PIGK: variants seen among roughly 807,000 people sequenced by gnomAD.
The protein encoded by PIGK is phosphatidylinositol glycan anchor biosynthesis class K, also known as GPI-anchor transamidase.
A neutral mutation model predicts 50.6 loss-of-function variants in PIGK; 42 were observed. The observed-to-expected ratio is 0.83, with a 90% CI of 0.65 to 1.07. The LOEUF (loss-of-function observed/expected upper bound fraction) is 1.07. Among genes scored for constraint, PIGK ranks in the 50% least tolerant of loss-of-function variants. PIGK has a pLI of 0.00. For missense variants in PIGK, 448 were observed against 488.7 expected (o/e 0.92, Z 0.78); for synonymous variants, 151 against 156.0 (o/e 0.97, Z 0.24).
In PIGK at chr1:77,092,299, T is replaced by C; in HGVS notation, c.*75A>G. The C allele has an allele frequency of 3.0e-6, 2 of 662,402 alleles. No homozygotes were observed. The highest frequency in any genetic ancestry group is 5.2e-6 in the Non-Finnish European group (2 of 385,374). The allele number at this position is 662,402 out of a possible 1,614,324, so 41.0% of individuals were successfully genotyped here. On this transcript the variant is annotated 3_prime_UTR_variant, in exon 11 of 11. Transcript: ENST00000370812. Reference sequence around the variant, plus strand: ...TCCAATTCATACAAGAGAAACACATTTTTAAAAATATATAATGACATAAAT... The same window carrying C: ...TCCAATTCATACAAGAGAAACACATCTTTAAAAATATATAATGACATAAAT...
chr1:77,216,815 G>A (rs1279668392), intron 1 of PIGK, among the ~76,000 whole-genome samples: 1 of 152,158 alleles, frequency 6.6e-6, no homozygotes, highest in African/African-American at 2.4e-5. Context: ...CTTTAGACTT[G>A]ACTATCCTCA....
chr1:77,146,391 A>G (rs1427288451), intron 9 of PIGK, among the ~76,000 whole-genome samples: 1 of 152,176 alleles, frequency 6.6e-6, no homozygotes, highest in Non-Finnish European at 1.5e-5. Context: ...GCTTGGCACC[A>G]CAGCTCATGC....
intron 10 of PIGK, among the ~76,000 whole-genome samples, chr1:77,102,959 C>T (rs1489901385): frequency 1.3e-5 from 2 of 152,102 alleles, no homozygotes; most frequent in Non-Finnish European, 2.9e-5. Context: ...TAGGATTCAA[C>T]ACTGAGGGTG....
At chr1:77,101,158 TA>T (rs531202365) in intron 10 of PIGK, among the ~76,000 whole-genome samples, 3 of 151,938 alleles carry the variant, frequency 2.0e-5, no homozygotes, top group East Asian at 1.9e-4. Context: ...CATCTGATAC[TA>T]AAAAAAATGC....
chr1:77,216,827 G>A, intron 1 of PIGK, among the ~76,000 whole-genome samples: 1 of 152,278 alleles, frequency 6.6e-6, no homozygotes, highest in Middle Eastern at 3.4e-3. Context: ...CTATCCTCAT[G>A]TCTCTAATGT....
At chr1:77,120,249 C>CT (rs945943218) in intron 10 of PIGK, among the ~76,000 whole-genome samples, 7 of 152,178 alleles carry the variant, frequency 4.6e-5, no homozygotes, top group African/African-American at 1.7e-4. Context: ...GGGTCTCACT[C>CT]TGTCACCCAG....
chr1:77,176,014 T>A (rs1014184441), intron 3 of PIGK, among the ~76,000 whole-genome samples: 6 of 152,056 alleles, frequency 3.9e-5, no homozygotes, highest in African/African-American at 1.2e-4. Context: ...AATAAAAAAA[T>A]TTTGTTTGCC....
intron 10 of PIGK, among the ~76,000 whole-genome samples, chr1:77,093,007 G>A (rs1653333476): frequency 6.6e-6 from 1 of 152,020 alleles, no homozygotes; most frequent in Non-Finnish European, 1.5e-5. Flanking sequence ...ACTTGTTTAA[G>A]TGCCAGTGCC....
At chr1:77,215,080 T>C (rs530362740) in intron 1 of PIGK, among the ~76,000 whole-genome samples, 7 of 152,262 alleles carry the variant, frequency 4.6e-5, no homozygotes, top group South Asian at 2.1e-4. Context: ...TCACCTAAAG[T>C]GATCTACAGT....
At chr1:77,195,580 A>C (rs1656015364) in intron 3 of PIGK, among the ~76,000 whole-genome samples, 1 of 152,172 alleles carries the variant, frequency 6.6e-6, no homozygotes, top group Non-Finnish European at 1.5e-5. Context: ...AACATTAACA[A>C]CTGGTGGAAC....
chr1:77,134,028 C>CA (rs1654444161), intron 9 of PIGK, among the ~76,000 whole-genome samples: 1 of 152,152 alleles, frequency 6.6e-6, no homozygotes, highest in Non-Finnish European at 1.5e-5. Context: ...TGCAACTAAT[C>CA]ACCTCAATCA....
intron 9 of PIGK, among the ~76,000 whole-genome samples, chr1:77,143,030 T>C (rs748279392): frequency 7.9e-5 from 12 of 152,314 alleles, no homozygotes; most frequent in Admixed American, 2.6e-4. Context: ...CCAACAAAAA[T>C]TGACATTTCT....
At chr1:77,197,350 A>T (rs1240055642) in intron 3 of PIGK, among the ~76,000 whole-genome samples, 1 of 152,230 alleles carries the variant, frequency 6.6e-6, no homozygotes, top group Non-Finnish European at 1.5e-5. Context: ...GCCTGATGAT[A>T]CAGGAAGAAG....
At position 77,089,429 on chromosome 1, in the gene PIGK, A is replaced by G. The variant is rs1291908265; in HGVS notation, c.*2945T>C. 6.6e-6 allele frequency: 1 copy of G among 152,322 alleles called. No individual in the cohort carries two copies. The highest frequency in any genetic ancestry group is 2.4e-5 in the African/African-American group (1 of 41,460). The allele number at this position is 152,322 out of a possible 1,614,324, so 9.4% of individuals were successfully genotyped here. On this transcript the variant is annotated 3_prime_UTR_variant, in exon 11 of 11. Coordinates refer to ENST00000370812, the MANE Select transcript of PIGK (RefSeq NM_005482.3). ...ACAGTATCTACTAAAGATGGGCTTA[A>G]TTTTGGTAAAGTCAACTGAAAAAAG...
chr1:77,093,848 C>A (rs1261567293), intron 10 of PIGK, among the ~76,000 whole-genome samples: 2 of 152,052 alleles, frequency 1.3e-5, no homozygotes, highest in South Asian at 4.1e-4. Context: ...TCCTACAAGA[C>A]GGTAAGTTCG....
At chr1:77,203,909 GATGT>G (rs1430368519) in intron 3 of PIGK, among the ~76,000 whole-genome samples, 2 of 152,108 alleles carry the variant, frequency 1.3e-5, no homozygotes, top group African/African-American at 4.8e-5. Context: ...GTAAACTGAG[GATGT>G]ATGTTGCTTC....
At chr1:77,215,770 A>G (rs1477048345) in intron 1 of PIGK, among the ~76,000 whole-genome samples, 1 of 152,200 alleles carries the variant, frequency 6.6e-6, no homozygotes, top group Non-Finnish European at 1.5e-5. Context: ...AAAAGAATAA[A>G]ATCCTTTCAT....
intron 10 of PIGK, among the ~76,000 whole-genome samples, chr1:77,095,715 T>C (rs1202081128): frequency 1.3e-5 from 2 of 152,112 alleles, no homozygotes; most frequent in Non-Finnish European, 2.9e-5. Context: ...TCCATATACT[T>C]CACCTTTTTT....
At chr1:77,208,867 T>A (rs1160311973) in intron 2 of PIGK, among the ~76,000 whole-genome samples, 1 of 152,206 alleles carries the variant, frequency 6.6e-6, no homozygotes, top group Non-Finnish European at 1.5e-5. Flanking sequence ...TATATTTTTA[T>A]CAAATGTGTT....
Sources: gnomAD v4.1 joint callset for allele counts (sites outside exome capture counted in the v4.1 genomes callset) on GRCh38, gnomAD v4.1.1 for gene constraint, MANE v1.5 for transcripts, NCBI Gene and HGNC (gene_info 2026-07-23, HGNC 2026-07-21) for gene names.